Variants in BRWD3 observed in about 807,000 individuals in gnomAD.
BRWD3 encodes the protein bromodomain and WD repeat-containing protein 3.
A neutral mutation model predicts 149.7 loss-of-function variants in BRWD3; 10 were observed. The ratio of observed to expected loss-of-function variants is 0.07; its 90% CI spans 0.04 to 0.11. The LOEUF (loss-of-function observed/expected upper bound fraction) is 0.11. BRWD3 is among the 10% of genes least tolerant of loss of function. The probability of loss-of-function intolerance (pLI) is 1.00; values close to 1 mark genes in which losing one functional copy is unlikely to be tolerated. For synonymous variants in BRWD3, 504 were observed against 456.7 expected (o/e 1.10, Z -1.32); for missense variants, 940 against 1,373.2 (o/e 0.68, Z 4.99).
At chrX:80,741,344 A>T (rs1268947787) in intron 8 of BRWD3, among the ~76,000 whole-genome samples, 1 of 111,764 alleles carries the variant, frequency 8.9e-6, no homozygotes, top group East Asian at 2.8e-4. Flanking sequence ...AGTCTTTGCT[A>T]TTGTGAATAG....
intron 6 of BRWD3, among the ~76,000 whole-genome samples, chrX:80,750,384 CAA>C (rs373681832): frequency 9.7e-6 from 1 of 103,528 alleles, no homozygotes. Context: ...AACTCAATAG[CAA>C]AAAAAAAATG....
intron 30 of BRWD3, 82 bp downstream of exon 30, chrX:80,691,741 T>A: frequency 9.0e-7 from 1 of 1,109,390 alleles, no homozygotes; most frequent in Non-Finnish European, 1.2e-6. Flanking sequence ...AGAAACTGCA[T>A]ATCCTTCTGT....
At chrX:80,753,484 T>A (rs1039694253) in intron 6 of BRWD3, among the ~76,000 whole-genome samples, 46 of 110,520 alleles carry the variant, frequency 4.2e-4, no homozygotes, top group African/African-American at 1.5e-3. Context: ...TTGGGCAGGC[T>A]GGTCTTGAAC....
intron 18 of BRWD3, among the ~76,000 whole-genome samples, chrX:80,718,811 T>C (rs62605574): frequency 0.13 from 14,674 of 110,936 alleles, 790 homozygotes; most frequent in South Asian, 0.42. Context: ...TCTCATAAGA[T>C]GACTACATTT....
At chrX:80,717,514 A>G in intron 19 of BRWD3, 59 bp downstream of exon 19, 69 of 953,651 alleles carry the variant, frequency 7.2e-5, no homozygotes, top group Non-Finnish European at 9.3e-5. Context: ...GTACATTTCA[A>G]TTCACTTCCT....
intron 4 of BRWD3, among the ~76,000 whole-genome samples, chrX:80,807,327 ACAGTCGGT>A (rs1171194929): frequency 1.8e-5 from 2 of 112,389 alleles, no homozygotes; most frequent in Admixed American, 1.9e-4. Context: ...AGAAAACTAT[ACAGTCGGT>A]AGACTTGATA....
At position 80,698,311 on chromosome X, in the gene BRWD3, T is replaced by C. The variant is rs191685872; in HGVS notation, c.2944-1448A>G. ...CTGCTTAAAGTTATATATTAGCATATAGCAAAGCTAGAATTGAAATCCAGG... is the reference window on the plus strand; with the variant it reads ...CTGCTTAAAGTTATATATTAGCATACAGCAAAGCTAGAATTGAAATCCAGG... On this transcript the variant is annotated intron_variant, in intron 25 of 40. Transcript: ENST00000373275. Among the ~76,000 whole-genome samples the C allele has an allele frequency of 8.0e-5, 9 of 112,196 alleles. No individual in the cohort carries two copies. In the East Asian group the frequency reaches 1.4e-3, roughly 17 times the overall value.
chrX:80,689,709 A>T, intron 33 of BRWD3, 59 bp downstream of exon 33: 1 of 992,452 alleles, frequency 1.0e-6, no homozygotes, highest in Non-Finnish European at 1.4e-6. Context: ...TACACATAAT[A>T]CTGTACTTCA....
intron 6 of BRWD3, among the ~76,000 whole-genome samples, chrX:80,777,609 G>A (rs1006804419): frequency 4.5e-5 from 5 of 110,369 alleles, no homozygotes; most frequent in African/African-American, 9.9e-5. Flanking sequence ...ACGCTGCCCA[G>A]GCTAGTCTCG....
At chrX:80,744,319 A>T in intron 7 of BRWD3, 66 bp from the exon 8 acceptor site, 1 of 837,454 alleles carries the variant, frequency 1.2e-6, no homozygotes, top group Non-Finnish European at 1.8e-6. Flanking sequence ...CACCCAAAAA[A>T]TAGCCAAAAA....
intron 8 of BRWD3, among the ~76,000 whole-genome samples, chrX:80,741,301 G>C (rs2073495200): frequency 2.7e-5 from 3 of 111,950 alleles, no homozygotes; most frequent in Non-Finnish European, 5.6e-5. Flanking sequence ...TCTTAATCCA[G>C]TCTATCATTG....
intron 12 of BRWD3, 191 bp downstream of exon 12, chrX:80,733,265 A>G (rs2073359379): frequency 2.7e-6 from 1 of 371,010 alleles, no homozygotes; most frequent in African/African-American, 2.7e-5. Flanking sequence ...GGACGACCTG[A>G]TAGGCTATGG....
At chrX:80,708,801 T>G (rs183435458) in intron 21 of BRWD3, among the ~76,000 whole-genome samples, 561 of 100,411 alleles carry the variant, frequency 5.6e-3, no homozygotes, top group Non-Finnish European at 9.0e-3. Context: ...GGGGACAGAG[T>G]GAGACTCCAT....
chrX:80,772,625 A>G (rs2073957466), intron 6 of BRWD3, among the ~76,000 whole-genome samples: 1 of 111,503 alleles, frequency 9.0e-6, no homozygotes, highest in African/African-American at 3.3e-5. Flanking sequence ...ATTTAAAAAA[A>G]AATAAATGAT....
At chrX:80,765,425 A>C (rs1198779251) in intron 6 of BRWD3, among the ~76,000 whole-genome samples, 1 of 111,970 alleles carries the variant, frequency 8.9e-6, no homozygotes. Flanking sequence ...GTGATTAACA[A>C]CAATACAATC....
At chrX:80,684,616 G>T (rs190025193) in intron 36 of BRWD3, among the ~76,000 whole-genome samples, 1 of 93,947 alleles carries the variant, frequency 1.1e-5, no homozygotes, top group East Asian at 3.4e-4. Flanking sequence ...AAGGGTCAGG[G>T]TCAAATTGGT....
At chrX:80,727,514 A>G (rs944571586) in intron 14 of BRWD3, among the ~76,000 whole-genome samples, 1 of 110,988 alleles carries the variant, frequency 9.0e-6, no homozygotes, top group Non-Finnish European at 1.9e-5. Context: ...CTTTCTAGAA[A>G]CATGCCCCAG....
At chrX:80,750,889 C>CAA (rs1325747983) in intron 6 of BRWD3, among the ~76,000 whole-genome samples, 29 of 109,223 alleles carry the variant, frequency 2.7e-4, no homozygotes, top group Non-Finnish European at 5.3e-4. Flanking sequence ...CACACACACA[C>CAA]ACACGCAAAA....
intron 20 of BRWD3, chrX:80,710,136 T>A (rs887118644): frequency 2.0e-5 from 11 of 547,389 alleles, no homozygotes; most frequent in Admixed American, 1.8e-4. Flanking sequence ...GGTATCTCAA[T>A]TGCAGGGCTT....
Sources: allele counts gnomAD v4.1 joint callset (sites outside exome capture counted in the v4.1 genomes callset), GRCh38; gene constraint gnomAD v4.1.1; transcripts MANE v1.5; gene names NCBI Gene and HGNC (gene_info 2026-07-23, HGNC 2026-07-21).